The following LARP4B variants were observed in gnomAD, a reference collection of about 807,000 sequenced individuals.
LARP4B encodes the protein la-related protein 4B.
LARP4B carries 12 observed loss-of-function variants against 89.8 expected under a neutral mutation model. The ratio of observed to expected loss-of-function variants is 0.13; its 90% CI spans 0.09 to 0.22. The LOEUF is 0.22. Ranked by LOEUF, LARP4B falls within the 10% of genes least tolerant of loss-of-function variation. The pLI is 1.00. For synonymous variants in LARP4B, 367 were observed against 363.3 expected (o/e 1.01, Z -0.12); for missense variants, 757 against 947.7 (o/e 0.80, Z 2.64).
At chr10:853,239 G>A (rs1279908671) in intron 5 of LARP4B, among the ~76,000 whole-genome samples, 2 of 152,146 alleles carry the variant, frequency 1.3e-5, no homozygotes, top group Non-Finnish European at 2.9e-5. Context: ...CCAGAGTGCT[G>A]CAATCAAGCA....
chr10:911,208 GT>G (rs1464555327), intron 1 of LARP4B, among the ~76,000 whole-genome samples: 1 of 152,200 alleles, frequency 6.6e-6, no homozygotes, highest in African/African-American at 2.4e-5. Context: ...TGGGGGAAAA[GT>G]TGGCTTTAGA....
chr10:863,650 C>A, intron 5 of LARP4B, 93 bp downstream of exon 5: 4 of 1,309,664 alleles, frequency 3.1e-6, no homozygotes, highest in Non-Finnish European at 4.2e-6. Context: ...CAAAGAAAGA[C>A]CCATTGTGTA....
chr10:903,657 T>G (rs1222973132), intron 1 of LARP4B: 2 of 152,228 alleles, frequency 1.3e-5, no homozygotes, highest in Non-Finnish European at 2.9e-5. Context: ...GTACACCGCT[T>G]CACTCTGATG....
At chr10:945,770 C>T in the LARP4B span, among the ~76,000 whole-genome samples, 1 of 152,064 alleles carries the variant, frequency 6.6e-6, no homozygotes. Flanking sequence ...CATGTTGATG[C>T]CTTAACCCCC....
At chr10:843,198 C>G (rs1457025388) in intron 6 of LARP4B, 130 bp from the exon 7 acceptor site, 4 of 828,554 alleles carry the variant, frequency 4.8e-6, no homozygotes, top group Middle Eastern at 3.6e-4. Flanking sequence ...CAGCCCAGGA[C>G]CCATCTGTTA....
the LARP4B span, among the ~76,000 whole-genome samples, chr10:944,847 G>A: frequency 6.6e-6 from 1 of 152,148 alleles, no homozygotes; most frequent in Admixed American, 6.5e-5. Flanking sequence ...GTCTAAAGGC[G>A]ATTCTCTGAC....
chr10:916,915 C>G (rs1344871399), intron 1 of LARP4B, among the ~76,000 whole-genome samples: 5 of 152,128 alleles, frequency 3.3e-5, no homozygotes, highest in Non-Finnish European at 5.9e-5. Flanking sequence ...CCAGGCTGGT[C>G]TTGAACTCAT....
chr10:909,047 C>T (rs1282977126), intron 1 of LARP4B, among the ~76,000 whole-genome samples: 2 of 152,124 alleles, frequency 1.3e-5, no homozygotes, highest in Non-Finnish European at 1.5e-5. Context: ...GTAATCCCAG[C>T]ACTTTGGGAG....
At chr10:915,321 T>C (rs1302121675) in intron 1 of LARP4B, among the ~76,000 whole-genome samples, 1 of 152,094 alleles carries the variant, frequency 6.6e-6, no homozygotes, top group Non-Finnish European at 1.5e-5. Flanking sequence ...GCACTGACAA[T>C]ATACTGATGC....
Position 900,919 on chromosome 10 carries a change from CTTTT to C in LARP4B, c.-39-15163_-39-15160del, listed in dbSNP as rs34586444. 1.3e-4 allele frequency among the ~76,000 whole-genome samples: 13 copies of C among 101,198 alleles called. No individual in the cohort carries two copies. The East Asian group carries it at 2.3e-3, about 18-fold the overall frequency. 66.4% of individuals were successfully genotyped at this position (101,198 alleles called of 152,430 possible). The stretch of plus-strand genomic sequence containing the variant: ...GGTGTGAGCCACCAGCGCCTGGCCT[CTTTT>C]TTTTTTTTTTTTTGAGACGGAGTCT... On this transcript the variant is annotated intron_variant, in intron 1 of 17. Coordinates refer to ENST00000316157, the MANE Select transcript of LARP4B (RefSeq NM_015155.3).
At chr10:946,654 C>A in the LARP4B span, among the ~76,000 whole-genome samples, 2 of 152,164 alleles carry the variant, frequency 1.3e-5, no homozygotes, top group Non-Finnish European at 2.9e-5. Flanking sequence ...TATTTAACCT[C>A]CTTGGGGCTT....
At chr10:947,429 GCAGT>G in the LARP4B span, among the ~76,000 whole-genome samples, 1 of 152,022 alleles carries the variant, frequency 6.6e-6, no homozygotes, top group Admixed American at 6.6e-5. Flanking sequence ...CCCGTCCCAG[GCAGT>G]CAGAACACAC....
In LARP4B at chr10:865,541, T is replaced by C. The variant is rs577530114; in HGVS notation, c.142-1271A>G. 1.8e-4 allele frequency among the ~76,000 whole-genome samples: 27 copies of C among 152,234 alleles called. No individual in the cohort carries two copies. The South Asian group carries it at 1.9e-3, about 11-fold the overall frequency. On this transcript the variant is annotated intron_variant, in intron 3 of 17. Coordinates refer to ENST00000316157, the MANE Select transcript of LARP4B (RefSeq NM_015155.3). ...GCTGTCTCTGGGCACACTGGCACTT[T>C]TGCTCTTCCCGTCCGTCTGTCCAGA...
chr10:880,924 T>TG (rs1835643977), intron 3 of LARP4B, among the ~76,000 whole-genome samples: 1 of 152,194 alleles, frequency 6.6e-6, no homozygotes, highest in Admixed American at 6.5e-5. Context: ...AACCTGCTGT[T>TG]GATTTATGAT....
chr10:826,490 A>T (rs1185672196), intron 11 of LARP4B, among the ~76,000 whole-genome samples: 1 of 152,272 alleles, frequency 6.6e-6, no homozygotes, highest in Non-Finnish European at 1.5e-5. Flanking sequence ...AAAGATCTTA[A>T]GTAGTTAAAA....
Position 841,544 on chromosome 10 carries a change from T to C in LARP4B, c.646+1388A>G, listed in dbSNP as rs139323211. Among the ~76,000 whole-genome samples the C allele has an allele frequency of 5.3e-4, 80 of 152,328 alleles. 2 individuals carry two copies. In the South Asian group the frequency reaches 6.4e-3, roughly 12 times the overall value. On this transcript the variant is annotated intron_variant, in intron 7 of 17. Coordinates refer to ENST00000316157, the MANE Select transcript of LARP4B (RefSeq NM_015155.3). ...GGAAACGACCCCTTGCCAGTAACAA[T>C]CAACTGAGAAATCATCCCAGTGGGG... is the stretch of plus-strand genomic sequence containing the variant.
the LARP4B span, among the ~76,000 whole-genome samples, chr10:937,010 G>C: frequency 6.6e-6 from 1 of 152,196 alleles, no homozygotes; most frequent in Admixed American, 6.5e-5. Flanking sequence ...CTTCTTTACA[G>C]TAAAATGCTG....
intron 9 of LARP4B, among the ~76,000 whole-genome samples, chr10:830,210 C>A (rs1001950835): frequency 2.6e-5 from 4 of 152,154 alleles, no homozygotes; most frequent in African/African-American, 9.7e-5. Context: ...ACTGTGAAGG[C>A]CCTGCACCTG....
intron 3 of LARP4B, among the ~76,000 whole-genome samples, chr10:883,153 C>T (rs1052306752): frequency 2.0e-5 from 3 of 152,198 alleles, no homozygotes; most frequent in Non-Finnish European, 4.4e-5. Flanking sequence ...CAAGGGATAT[C>T]TACTTTATGT....
Sources: allele counts gnomAD v4.1 joint callset (sites outside exome capture counted in the v4.1 genomes callset), GRCh38; gene constraint gnomAD v4.1.1; transcripts MANE v1.5; gene names NCBI Gene and HGNC (gene_info 2026-07-23, HGNC 2026-07-21).